Variants in ELP4 observed in about 807,000 individuals in gnomAD.
ELP4 encodes elongator acetyltransferase complex subunit 4.
In ELP4, 51 loss-of-function variants were observed where a neutral mutation model predicts 48.9. That is an observed-to-expected ratio of 1.04 (90% CI 0.83 to 1.32). The LOEUF is 1.32. ELP4 is among the 40% of genes most tolerant of loss of function. The pLI is 0.00. For synonymous variants in ELP4, 210 were observed against 189.2 expected (o/e 1.11, Z -0.90); for missense variants, 519 against 514.6 (o/e 1.01, Z -0.08).
intron 9 of ELP4, among the ~76,000 whole-genome samples, chr11:31,736,376 G>GA (rs896282119): frequency 6.6e-5 from 10 of 151,994 alleles, no homozygotes; most frequent in African/African-American, 1.7e-4. Context: ...AAAAACCCTA[G>GA]AAAAAAACCT....
intron 3 of ELP4, among the ~76,000 whole-genome samples, chr11:31,560,496 C>T (rs898633805): frequency 1.3e-5 from 2 of 151,536 alleles, no homozygotes; most frequent in Non-Finnish European, 2.9e-5. Flanking sequence ...TATGAATTAT[C>T]ATCTTTCACA....
chr11:31,746,506 A>G (rs998727599), intron 9 of ELP4, among the ~76,000 whole-genome samples: 3 of 152,248 alleles, frequency 2.0e-5, no homozygotes, highest in African/African-American at 7.2e-5. Flanking sequence ...CAACAACAAT[A>G]GACTGGATGA....
chr11:31,576,106 C>T (rs1203147463), intron 3 of ELP4, among the ~76,000 whole-genome samples: 1 of 152,120 alleles, frequency 6.6e-6, no homozygotes, highest in Non-Finnish European at 1.5e-5. Context: ...ATCTACCAAG[C>T]AAATGGAAAA....
At chr11:31,575,970 T>G (rs561067753) in intron 3 of ELP4, among the ~76,000 whole-genome samples, 5 of 152,120 alleles carry the variant, frequency 3.3e-5, no homozygotes, top group African/African-American at 1.2e-4. Flanking sequence ...TGGACTAAAT[T>G]CTCCAATTAA....
intron 5 of ELP4, among the ~76,000 whole-genome samples, chr11:31,623,273 A>G (rs1052442602): frequency 2.7e-5 from 4 of 148,890 alleles, no homozygotes; most frequent in African/African-American, 7.3e-5. Context: ...CACACACACA[A>G]GAGTAAGCAT....
At chr11:31,597,708 A>G (rs1011738833) in intron 4 of ELP4, among the ~76,000 whole-genome samples, 2 of 151,402 alleles carry the variant, frequency 1.3e-5, no homozygotes, top group Non-Finnish European at 2.9e-5. Flanking sequence ...AGTAGCTGGG[A>G]CTATAGTTGC....
At chr11:31,515,053 A>ATATATATATG (rs139261349) in intron 1 of ELP4, among the ~76,000 whole-genome samples, 63 of 149,188 alleles carry the variant, frequency 4.2e-4, no homozygotes, top group African/African-American at 1.5e-3. Context: ...ATATATATAT[A>ATATATATATG]TATGTATAGG....
chr11:31,763,551 T>A, intron 9 of ELP4: 1 of 1,591,510 alleles, frequency 6.3e-7, no homozygotes, highest in Non-Finnish European at 8.5e-7. Flanking sequence ...TTGCAAAGGG[T>A]ATGGGCTTTC....
chr11:31,708,514 C>A (rs570278705), intron 9 of ELP4, among the ~76,000 whole-genome samples: 15 of 152,030 alleles, frequency 9.9e-5, no homozygotes, highest in African/African-American at 3.6e-4. Context: ...TTTAAAGGAT[C>A]TTTTATTTAA....
At chr11:31,604,975 G>A (rs890557857) in intron 5 of ELP4, among the ~76,000 whole-genome samples, 4 of 151,912 alleles carry the variant, frequency 2.6e-5, no homozygotes, top group Admixed American at 6.6e-5. Context: ...GGGTTATGTA[G>A]TACTAATATG....
chr11:31,757,396 A>G (rs1445023929), intron 9 of ELP4, among the ~76,000 whole-genome samples: 1 of 151,492 alleles, frequency 6.6e-6, no homozygotes, highest in Non-Finnish European at 1.5e-5. Context: ...TTTTGCATCT[A>G]CCATGCCAAG....
At chr11:31,610,465 C>T (rs564837703) in intron 5 of ELP4, among the ~76,000 whole-genome samples, 18 of 152,226 alleles carry the variant, frequency 1.2e-4, no homozygotes, top group Non-Finnish European at 2.4e-4. Context: ...CACTTCACCC[C>T]GGTAGTGAGC....
At chr11:31,783,028 G>GA (rs1269350129) in intron 9 of ELP4, among the ~76,000 whole-genome samples, 1 of 152,048 alleles carries the variant, frequency 6.6e-6, no homozygotes, top group African/African-American at 2.4e-5. Context: ...AAGCCAAAAA[G>GA]AAAAAAGACA....
chr11:31,535,530 A>T (rs1956485301), intron 2 of ELP4, among the ~76,000 whole-genome samples: 1 of 152,034 alleles, frequency 6.6e-6, no homozygotes, highest in Non-Finnish European at 1.5e-5. Flanking sequence ...TTTTTTGTAG[A>T]GCTGAGGTAT....
At chr11:31,728,383 G>A (rs900442666) in intron 9 of ELP4, among the ~76,000 whole-genome samples, 2 of 152,068 alleles carry the variant, frequency 1.3e-5, no homozygotes, top group Admixed American at 1.3e-4. Flanking sequence ...TTATGCTTTT[G>A]TCAAAAAATT....
In ELP4 at chr11:31,656,153, A is replaced by G. The variant is rs539060902; in HGVS notation, c.1143+5932A>G. ...AAGTGCCCTTCCAAGATGTGGTTGC[A>G]TAAGTGTTCTTTTCTCTGCATTCTG... On this transcript the variant is annotated intron_variant, in intron 9 of 9. Coordinates refer to ENST00000640961, the MANE Select transcript of ELP4 (RefSeq NM_019040.5). Among the ~76,000 whole-genome samples, 45 of 152,172 alleles carry G rather than the reference A, an allele frequency of 3.0e-4. 1 individual carries two copies. In the South Asian group the frequency reaches 8.7e-3, roughly 29 times the overall value.
At chr11:31,634,900 A>G (rs1944940300) in intron 7 of ELP4, among the ~76,000 whole-genome samples, 1 of 151,930 alleles carries the variant, frequency 6.6e-6, no homozygotes, top group African/African-American at 2.4e-5. Flanking sequence ...TCTTTTTTTA[A>G]AAAACTGCAC....
intron 9 of ELP4, among the ~76,000 whole-genome samples, chr11:31,717,034 G>A (rs1946855111): frequency 6.6e-6 from 1 of 152,126 alleles, no homozygotes; most frequent in Non-Finnish European, 1.5e-5. Flanking sequence ...GGAGTCTCAT[G>A]CATCTTTTAT....
chr11:31,614,252 A>G (rs1958035776), intron 5 of ELP4, among the ~76,000 whole-genome samples: 1 of 152,166 alleles, frequency 6.6e-6, no homozygotes, highest in South Asian at 2.1e-4. Flanking sequence ...TCTAAATGCC[A>G]TTCTCCATTC....
Sources: gnomAD v4.1 joint callset for allele counts (sites outside exome capture counted in the v4.1 genomes callset) on GRCh38, gnomAD v4.1.1 for gene constraint, MANE v1.5 for transcripts, NCBI Gene and HGNC (gene_info 2026-07-23, HGNC 2026-07-21) for gene names.